PPARGC1B: variants seen among roughly 807,000 people sequenced by gnomAD.
PPARGC1B encodes the protein peroxisome proliferator-activated receptor gamma coactivator 1-beta.
In PPARGC1B, 34 loss-of-function variants were observed where a neutral mutation model predicts 101.6. The observed-to-expected ratio is 0.33, with a 90% CI of 0.25 to 0.45. PPARGC1B has a LOEUF of 0.45. Among genes scored for constraint, PPARGC1B ranks in the 20% least tolerant of loss-of-function variants. PPARGC1B has a pLI of 1.00. For synonymous variants in PPARGC1B, 548 were observed against 539.3 expected (o/e 1.02, Z -0.22); for missense variants, 1,234 against 1,317.6 (o/e 0.94, Z 0.98).
intron 1 of PPARGC1B, among the ~76,000 whole-genome samples, chr5:149,773,451 C>T (rs1045926622): frequency 1.3e-5 from 2 of 152,218 alleles, no homozygotes; most frequent in East Asian, 1.9e-4. Flanking sequence ...TGCTCTGCCC[C>T]GTGGGCAGGA....
intron 1 of PPARGC1B, among the ~76,000 whole-genome samples, chr5:149,795,839 C>T (rs541606820): frequency 2.8e-4 from 42 of 152,024 alleles, no homozygotes; most frequent in African/African-American, 9.7e-4. Context: ...GATTAAGTAC[C>T]CTGTTTTGGA....
intron 1 of PPARGC1B, among the ~76,000 whole-genome samples, chr5:149,765,815 C>T (rs766672661): frequency 1.4e-5 from 2 of 141,704 alleles, no homozygotes; most frequent in Non-Finnish European, 1.5e-5. Flanking sequence ...GAGCTGAGAT[C>T]GCGCCATTGC....
intron 1 of PPARGC1B, among the ~76,000 whole-genome samples, chr5:149,811,977 T>A (rs1485911165): frequency 6.6e-6 from 1 of 152,188 alleles, no homozygotes; most frequent in Non-Finnish European, 1.5e-5. Context: ...GACTGGAAGA[T>A]CCACTCCCGC....
chr5:149,765,843 A>T lies in PPARGC1B; in HGVS notation c.78+35423A>T, dbSNP rs201068095. Among the ~76,000 whole-genome samples the T allele has an allele frequency of 2.8e-5, 4 of 142,538 alleles. No individual in the cohort carries two copies. The East Asian group carries it at 8.3e-4, about 29-fold the overall frequency. The allele number at this position is 142,538 out of a possible 152,430, so 93.5% of individuals were successfully genotyped here. On this transcript the variant is annotated intron_variant, in intron 1 of 11. Coordinates refer to ENST00000309241, the MANE Select transcript of PPARGC1B (RefSeq NM_133263.4). ...GCCATTGCACTTCAGCCTGGGTGAC[A>T]GAGTGAGACTCCGTCTCAAAAAAAA...
At chr5:149,821,924 G>A (rs1237241377) in intron 2 of PPARGC1B, among the ~76,000 whole-genome samples, 2 of 152,170 alleles carry the variant, frequency 1.3e-5, no homozygotes, top group African/African-American at 4.8e-5. Context: ...GCTCAGAAAG[G>A]CTGAGTAACT....
chr5:149,844,024 A>G (rs996797415), intron 10 of PPARGC1B, among the ~76,000 whole-genome samples: 1 of 152,220 alleles, frequency 6.6e-6, no homozygotes, highest in African/African-American at 2.4e-5. Context: ...TAATGGGCGT[A>G]GAGTTTCAGT....
intron 1 of PPARGC1B, among the ~76,000 whole-genome samples, chr5:149,811,451 A>G (rs896734072): frequency 6.6e-6 from 1 of 152,086 alleles, no homozygotes; most frequent in African/African-American, 2.4e-5. Context: ...TTGTACTCAT[A>G]TTTTCTGTTT....
chr5:149,763,828 G>T (rs1310284589), intron 1 of PPARGC1B, among the ~76,000 whole-genome samples: 1 of 151,526 alleles, frequency 6.6e-6, no homozygotes, highest in East Asian at 1.9e-4. Context: ...CTGTCGCTCG[G>T]GCTGGAGTGC....
chr5:149,771,930 A>ATTTAGT lies in PPARGC1B; in HGVS notation c.78+41512_78+41513insTAGTTT, dbSNP rs1489537170. ...CTGAACGTTGTCCCCAAGCTTTAGC[A>ATTTAGT]TTCTGCTTTACATTCTCATTTTAAT... On this transcript the variant is annotated intron_variant, in intron 1 of 11. Transcript: ENST00000309241. 6 of 1,124,152 alleles carry ATTTAGT rather than the reference A, an allele frequency of 5.3e-6. No individual in the cohort carries two copies. In the African/African-American group the frequency reaches 9.6e-5, roughly 18 times the overall value. The allele number at this position is 1,124,152 out of a possible 1,614,324, so 69.6% of individuals were successfully genotyped here. A position where few individuals can be genotyped will look rare whatever the true frequency, so the allele number is the denominator to read the frequency against.
At chr5:149,764,949 A>G (rs538535941) in intron 1 of PPARGC1B, among the ~76,000 whole-genome samples, 2 of 152,202 alleles carry the variant, frequency 1.3e-5, no homozygotes, top group South Asian at 2.1e-4. Context: ...CCAAACACAC[A>G]TGTCCTCTAC....
intron 1 of PPARGC1B, among the ~76,000 whole-genome samples, chr5:149,790,086 A>G (rs1295159174): frequency 1.3e-5 from 2 of 152,136 alleles, no homozygotes; most frequent in Non-Finnish European, 2.9e-5. Flanking sequence ...TTCCTTGTCT[A>G]TAAATAGAGA....
At chr5:149,806,943 C>T (rs1477609005) in intron 1 of PPARGC1B, among the ~76,000 whole-genome samples, 1 of 151,520 alleles carries the variant, frequency 6.6e-6, no homozygotes, top group Non-Finnish European at 1.5e-5. Flanking sequence ...ATGTACCTAA[C>T]ATAAAATTTA....
intron 3 of PPARGC1B, among the ~76,000 whole-genome samples, chr5:149,830,047 A>G (rs1284222736): frequency 2.7e-4 from 32 of 120,584 alleles, no homozygotes; most frequent in Non-Finnish European, 4.1e-4. Context: ...AAAAAAAAAA[A>G]AAAAAAAGAA....
intron 1 of PPARGC1B, among the ~76,000 whole-genome samples, chr5:149,804,291 G>A (rs1581072711): frequency 8.3e-6 from 1 of 121,074 alleles, no homozygotes; most frequent in African/African-American, 2.8e-5. Flanking sequence ...TCCAGGTGCT[G>A]GGACTCAGCA....
At chr5:149,790,396 C>T (rs1561542397) in intron 1 of PPARGC1B, among the ~76,000 whole-genome samples, 1 of 152,024 alleles carries the variant, frequency 6.6e-6, no homozygotes, top group Non-Finnish European at 1.5e-5. Flanking sequence ...CTGGGGTGTG[C>T]CTCCGCTCTC....
intron 1 of PPARGC1B, among the ~76,000 whole-genome samples, chr5:149,790,015 GC>G (rs1554077205): frequency 1.2e-4 from 18 of 152,120 alleles, no homozygotes; most frequent in Non-Finnish European, 1.5e-4. Context: ...TTTGTTTCCC[GC>G]CTCTACCACT....
chr5:149,761,122 TA>T (rs1755701823), intron 1 of PPARGC1B, among the ~76,000 whole-genome samples: 1 of 152,030 alleles, frequency 6.6e-6, no homozygotes. Context: ...ACTTGACAAA[TA>T]AAAACTGTGT....
chr5:149,819,326 T>C (rs1284958835), intron 1 of PPARGC1B, among the ~76,000 whole-genome samples: 3 of 152,192 alleles, frequency 2.0e-5, no homozygotes, highest in African/African-American at 4.8e-5. Context: ...TAGAGAAATA[T>C]ATGGCTTGAT....
At chr5:149,819,078 T>G (rs547940497) in intron 1 of PPARGC1B, among the ~76,000 whole-genome samples, 3 of 152,372 alleles carry the variant, frequency 2.0e-5, no homozygotes, top group Non-Finnish European at 2.9e-5. Context: ...GAGAAATTGA[T>G]TGGCTTCTGA....
Sources: gnomAD v4.1 joint callset for allele counts (sites outside exome capture counted in the v4.1 genomes callset) on GRCh38, gnomAD v4.1.1 for gene constraint, MANE v1.5 for transcripts, NCBI Gene and HGNC (gene_info 2026-07-23, HGNC 2026-07-21) for gene names.